GGT1: variants seen among roughly 807,000 people sequenced by gnomAD.
GGT1 encodes the protein glutathione hydrolase 1 proenzyme.
In GGT1, 21 loss-of-function variants were observed where a neutral mutation model predicts 56.0. That is an observed-to-expected ratio of 0.38 (90% CI 0.27 to 0.54). GGT1 has a LOEUF of 0.54. GGT1 is among the 20% of genes least tolerant of loss of function. The pLI, the probability that GGT1 is intolerant of heterozygous loss-of-function variation, is 0.82. For missense variants in GGT1, 466 were observed against 787.0 expected (o/e 0.59, Z 4.88); for synonymous variants, 238 against 342.6 (o/e 0.69, Z 3.37).
intron 9 of GGT1, among the ~76,000 whole-genome samples, chr22:24,622,896 G>A (rs191826299): frequency 1.3e-5 from 2 of 152,178 alleles, no homozygotes; most frequent in African/African-American, 4.8e-5. Context: ...AGCTGATGAG[G>A]TTCCCAAGGA....
intron 1 of GGT1, among the ~76,000 whole-genome samples, chr22:24,596,328 C>T (rs1421076478): frequency 6.6e-6 from 1 of 152,216 alleles, no homozygotes; most frequent in East Asian, 1.9e-4. Flanking sequence ...TTTGAGGACT[C>T]CAGGGGAAGA....
the GGT1 span, chr22:24,588,135 T>G: frequency 8.9e-7 from 1 of 1,121,566 alleles, no homozygotes; most frequent in Non-Finnish European, 1.3e-6. Context: ...CACCAGCCTC[T>G]TGGTGAGAGT....
chr22:24,623,814 C>G lies in GGT1; in HGVS notation c.918C>G (p.Pro306=), dbSNP rs200393738. ...YNFSRESVES[P]EQKGLTYHRI... ...TCTCCCGGGAGAGCGTGGAGAGCCC[C>G]GAGCAGAAGGGCCTGACGTACCACC... Residue 306 remains proline, a synonymous_variant, in exon 11 of 16, where the codon CCC becomes CCG. Transcript: ENST00000400382. 21 of 1,611,852 alleles carry G rather than the reference C, an allele frequency of 1.3e-5. No homozygotes were observed. The highest frequency in any genetic ancestry group is 1.1e-4 in the South Asian group (10 of 90,978).
upstream of GGT1, chr22:24,592,668 CCT>C: frequency 1.0e-6 from 1 of 999,926 alleles, no homozygotes; most frequent in South Asian, 1.7e-5. Flanking sequence ...AGGCGGTCGC[CCT>C]CTCGCCCACG....
the GGT1 span, chr22:24,585,807 C>A: frequency 9.2e-5 from 124 of 1,353,858 alleles, 1 homozygote; most frequent in Non-Finnish European, 1.1e-4. Flanking sequence ...GCCTGTGAGT[C>A]CTCCTTGACC....
upstream of GGT1, among the ~76,000 whole-genome samples, chr22:24,599,729 A>G (rs1345378925): frequency 6.6e-6 from 1 of 152,216 alleles, no homozygotes; most frequent in Non-Finnish European, 1.5e-5. Flanking sequence ...ATTAGCCAGC[A>G]GGGCGCAGAC....
At chr22:24,616,287 G>A (rs1452364348) in intron 7 of GGT1, among the ~76,000 whole-genome samples, 1 of 151,730 alleles carries the variant, frequency 6.6e-6, no homozygotes, top group Non-Finnish European at 1.5e-5. Context: ...GGTGGCACAG[G>A]CCTGTAATCC....
At chr22:24,592,498 C>G, upstream of GGT1, 1 of 444,876 alleles carries the variant, frequency 2.2e-6, no homozygotes. Context: ...CCACTCCTCC[C>G]GGGCCCCTCC....
the GGT1 span, chr22:24,588,441 A>C: frequency 1.2e-6 from 1 of 850,356 alleles, no homozygotes; most frequent in Non-Finnish European, 1.9e-6. Context: ...GTCATGCACC[A>C]TGCATCACCG....
chr22:24,585,871 CA>C, the GGT1 span: 1 of 1,561,608 alleles, frequency 6.4e-7, no homozygotes, highest in South Asian at 1.2e-5. Flanking sequence ...AGCAATGAGC[CA>C]GGTGGGTGGT....
At chr22:24,622,742 T>TAA (rs969604182) in intron 9 of GGT1, among the ~76,000 whole-genome samples, 12 of 140,094 alleles carry the variant, frequency 8.6e-5, no homozygotes, top group Non-Finnish European at 1.6e-5. Flanking sequence ...ATCCTATCTC[T>TAA]AAAAAAAAAA....
chr22:24,605,604 T>C lies in GGT1; in HGVS notation c.-429+2077T>C, dbSNP rs1488431564. Among the ~76,000 whole-genome samples the C allele has an allele frequency of 1.8e-3, 95 of 52,188 alleles. 19 individuals carry two copies. Among genetic ancestry groups the C allele is most frequent in the Non-Finnish European group, 2.2e-3 (81 of 37,038 alleles). The allele number at this position is 52,188 out of a possible 152,430, so 34.2% of individuals were successfully genotyped here. On this transcript the variant is annotated intron_variant, in intron 1 of 15. Coordinates refer to ENST00000400382, the MANE Select transcript of GGT1 (RefSeq NM_001288833.2). ...TATATATATAATATTATATAATGTGTATTATATATATAATATTATATAATG... is the reference window on the plus strand; with the variant it reads ...TATATATATAATATTATATAATGTGCATTATATATATAATATTATATAATG...
chr22:24,607,012 A>T (rs1448944148), intron 1 of GGT1, among the ~76,000 whole-genome samples: 1 of 121,856 alleles, frequency 8.2e-6, no homozygotes, highest in Non-Finnish European at 1.8e-5. Flanking sequence ...CTGGGTCCGC[A>T]GCTGTTCCTG....
upstream of GGT1, among the ~76,000 whole-genome samples, chr22:24,602,170 GA>G (rs2045793198): frequency 6.6e-6 from 1 of 152,148 alleles, no homozygotes; most frequent in South Asian, 2.1e-4. Context: ...TCACTTCCTG[GA>G]AAAGGCTCCA....
At chr22:24,587,128 C>T in the GGT1 span, among the ~76,000 whole-genome samples, 1 of 152,180 alleles carries the variant, frequency 6.6e-6, no homozygotes, top group Non-Finnish European at 1.5e-5. Context: ...GTTTTTTTCC[C>T]TGTGCCCCTT....
At position 24,627,602 on chromosome 22, in the gene GGT1, C is replaced by T. The variant is rs1407712471; in HGVS notation, c.1191C>T (p.Thr397=). Residue 397 remains threonine (T), a synonymous_variant, in exon 12 of 16, where the codon ACC becomes ACT. Transcript: ENST00000400382. ...AGGACGGCAGTGCTGTGTCCGCCAC[C>T]AGCACCATCAACCTCTAGTAGGGGC... ...VAEDGSAVSA[T]STINLYFGSK... 11 of 1,607,388 alleles carry T rather than the reference C, an allele frequency of 6.8e-6. No individual in the cohort carries two copies. Among genetic ancestry groups the T allele is most frequent in the Non-Finnish European group, 9.3e-6 (11 of 1,178,008 alleles).
chr22:24,606,486 A>G (rs534283608), intron 1 of GGT1, among the ~76,000 whole-genome samples: 16 of 152,310 alleles, frequency 1.1e-4, no homozygotes, highest in Non-Finnish European at 1.8e-4. Flanking sequence ...GCTGACTGCC[A>G]TGGAATGCAG....
At chr22:24,593,786 C>CAAA (rs34143786), upstream of GGT1, among the ~76,000 whole-genome samples, 2 of 105,276 alleles carry the variant, frequency 1.9e-5, no homozygotes, top group South Asian at 2.9e-4. Context: ...AACTCTGTCT[C>CAAA]AAAAAAAAAA....
chr22:24,589,294 C>T, the GGT1 span: 1 of 1,224,226 alleles, frequency 8.2e-7, no homozygotes, highest in Non-Finnish European at 1.1e-6. Flanking sequence ...AGGTGGCAAA[C>T]TCCACCCCAG....
Sources: allele counts gnomAD v4.1 joint callset (sites outside exome capture counted in the v4.1 genomes callset), GRCh38; gene constraint gnomAD v4.1.1; transcripts MANE v1.5; gene names NCBI Gene and HGNC (gene_info 2026-07-23, HGNC 2026-07-21).